The following LUZP2 variants were observed in gnomAD, a reference collection of about 807,000 sequenced individuals.
LUZP2 encodes the protein leucine zipper protein 2.
LUZP2 carries 52 observed loss-of-function variants against 51.6 expected under a neutral mutation model. That is an observed-to-expected ratio of 1.01 (90% CI 0.81 to 1.27). LUZP2 has a LOEUF of 1.27. Among genes scored for constraint, LUZP2 ranks in the 50% most tolerant of loss-of-function variants. The pLI is 0.00. For missense variants in LUZP2, 436 were observed against 395.4 expected, an observed-to-expected ratio of 1.10 and a Z score of -0.87; for synonymous variants, 154 against 137.3, an observed-to-expected ratio of 1.12 and a Z score of -0.85.
intron 5 of LUZP2, among the ~76,000 whole-genome samples, chr11:24,828,805 A>G (rs1413845813): frequency 6.6e-6 from 1 of 152,168 alleles, no homozygotes; most frequent in African/African-American, 2.4e-5. Context: ...AGAGGGTCAC[A>G]AAGAAAAGTG....
chr11:24,996,506 C>A (rs1178436518), intron 9 of LUZP2, among the ~76,000 whole-genome samples: 5 of 151,708 alleles, frequency 3.3e-5, no homozygotes, highest in Non-Finnish European at 5.9e-5. Flanking sequence ...AATTGTCTTC[C>A]CACCCTGTGC....
intron 9 of LUZP2, among the ~76,000 whole-genome samples, chr11:25,008,726 G>A (rs1422430380): frequency 6.6e-6 from 1 of 152,152 alleles, no homozygotes; most frequent in Non-Finnish European, 1.5e-5. Flanking sequence ...TTTATTGAGT[G>A]AGAGAAAAGC....
At chr11:24,620,502 G>A (rs569252337) in intron 1 of LUZP2, among the ~76,000 whole-genome samples, 18 of 152,268 alleles carry the variant, frequency 1.2e-4, no homozygotes, top group Non-Finnish European at 2.4e-4. Context: ...AAGATAATTA[G>A]TAAGTTATTA....
At chr11:24,562,767 C>T (rs1356128963) in intron 1 of LUZP2, among the ~76,000 whole-genome samples, 2 of 149,776 alleles carry the variant, frequency 1.3e-5, no homozygotes, top group Admixed American at 6.7e-5. Flanking sequence ...GAGGCTGAGG[C>T]AGGAGAATGG....
At chr11:24,919,621 T>C (rs1240481274) in intron 7 of LUZP2, among the ~76,000 whole-genome samples, 2 of 147,864 alleles carry the variant, frequency 1.4e-5, no homozygotes, top group Non-Finnish European at 3.0e-5. Flanking sequence ...TACCAAAGGT[T>C]ACTTAACCTT....
intron 5 of LUZP2, among the ~76,000 whole-genome samples, chr11:24,882,997 A>AAAGAAAAGAAAAGAG (rs1249662265): frequency 6.6e-6 from 1 of 151,446 alleles, no homozygotes; most frequent in African/African-American, 2.4e-5. Flanking sequence ...GAAGGAAAGA[A>AAAGAAAAGAAAAGAG]AAGAAAAGAA....
intron 1 of LUZP2, among the ~76,000 whole-genome samples, chr11:24,634,441 T>C (rs1057111643): frequency 3.9e-5 from 6 of 152,020 alleles, no homozygotes; most frequent in Non-Finnish European, 8.8e-5. Flanking sequence ...GGCTAAAAAT[T>C]ACATATCAGA....
intron 1 of LUZP2, among the ~76,000 whole-genome samples, chr11:24,640,728 G>A (rs536559580): frequency 2.6e-5 from 4 of 151,926 alleles, no homozygotes; most frequent in African/African-American, 9.7e-5. Flanking sequence ...AGGATGTTAT[G>A]TAGATAAGCA....
At chr11:24,684,704 G>C (rs1295966941) in intron 1 of LUZP2, among the ~76,000 whole-genome samples, 4 of 152,148 alleles carry the variant, frequency 2.6e-5, no homozygotes, top group Non-Finnish European at 5.9e-5. Flanking sequence ...AGCCAGTGGA[G>C]GTCTCCAGCT....
At chr11:24,934,535 T>TA (rs767000531) in intron 7 of LUZP2, among the ~76,000 whole-genome samples, 8 of 152,176 alleles carry the variant, frequency 5.3e-5, no homozygotes, top group Non-Finnish European at 1.0e-4. Flanking sequence ...TTTAATAACA[T>TA]ACTTAAATTT....
chr11:24,884,610 C>T (rs759788826), intron 5 of LUZP2, among the ~76,000 whole-genome samples: 4 of 151,984 alleles, frequency 2.6e-5, no homozygotes, highest in Non-Finnish European at 2.9e-5. Flanking sequence ...AATCTCTCTT[C>T]GTTCGTCAGT....
At chr11:24,701,069 T>C (rs993432071) in intron 1 of LUZP2, among the ~76,000 whole-genome samples, 1 of 152,198 alleles carries the variant, frequency 6.6e-6, no homozygotes, top group African/African-American at 2.4e-5. Flanking sequence ...TCATCTGTTT[T>C]TGTGTTGCTA....
intron 10 of LUZP2, among the ~76,000 whole-genome samples, chr11:25,068,003 A>G (rs1201729516): frequency 6.6e-6 from 1 of 152,078 alleles, no homozygotes; most frequent in Non-Finnish European, 1.5e-5. Context: ...GGATGAGTTC[A>G]TGTCCTTTGC....
intron 1 of LUZP2, among the ~76,000 whole-genome samples, chr11:24,536,497 A>G (rs1286836725): frequency 6.6e-6 from 1 of 151,836 alleles, no homozygotes; most frequent in Non-Finnish European, 1.5e-5. Flanking sequence ...TATGATATGG[A>G]GATGGCCTCT....
chr11:24,846,208 A>G, intron 5 of LUZP2, among the ~76,000 whole-genome samples: 1 of 152,018 alleles, frequency 6.6e-6, no homozygotes, highest in East Asian at 1.9e-4. Flanking sequence ...AAAAGCCAAC[A>G]AGAAAAAAAA....
chr11:24,876,510 A>G lies in LUZP2; in HGVS notation c.397-29481A>G, dbSNP rs1481359503. 3.4e-5 allele frequency among the ~76,000 whole-genome samples: 5 copies of G among 148,194 alleles called. No individual in the cohort carries two copies. The Admixed American group carries it at 3.4e-4, about 10-fold the overall frequency. ...GTTTTGGTTACTGTAGCCTTGTAGT[A>G]TAGTTTGAAGTCAGGTAGTGTGATG... is the stretch of plus-strand genomic sequence containing the variant. On this transcript the variant is annotated intron_variant, in intron 5 of 11. Transcript: ENST00000336930.
intron 1 of LUZP2, among the ~76,000 whole-genome samples, chr11:24,688,323 C>G (rs1226400541): frequency 6.6e-6 from 1 of 152,096 alleles, no homozygotes; most frequent in Non-Finnish European, 1.5e-5. Context: ...TAAGCACTTG[C>G]CCAATACTAT....
chr11:24,984,616 A>G (rs984680515), intron 9 of LUZP2, among the ~76,000 whole-genome samples: 1 of 147,280 alleles, frequency 6.8e-6, no homozygotes, highest in Non-Finnish European at 1.5e-5. Context: ...GTTTACTAGA[A>G]AAAGGTTAAA....
intron 5 of LUZP2, among the ~76,000 whole-genome samples, chr11:24,790,733 C>A (rs1048992195): frequency 6.6e-6 from 1 of 152,118 alleles, no homozygotes; most frequent in Non-Finnish European, 1.5e-5. Flanking sequence ...TACTCCTGAC[C>A]TCAGGTGATC....
Sources: gnomAD v4.1 joint callset for allele counts (sites outside exome capture counted in the v4.1 genomes callset) on GRCh38, gnomAD v4.1.1 for gene constraint, MANE v1.5 for transcripts, NCBI Gene and HGNC (gene_info 2026-07-23, HGNC 2026-07-21) for gene names.